Variants in NCAM2 observed in about 807,000 individuals in gnomAD.
The protein encoded by NCAM2 is N-CAM-2.
NCAM2 carries 30 observed loss-of-function variants against 98.1 expected under a neutral mutation model. The observed-to-expected ratio is 0.31, with a 90% CI of 0.23 to 0.41. The LOEUF (loss-of-function observed/expected upper bound fraction) is 0.41, where lower values mean the gene tolerates loss of function less well. NCAM2 is among the 10% of genes least tolerant of loss of function. NCAM2 has a pLI of 1.00. For synonymous variants in NCAM2, 368 were observed against 342.4 expected (o/e 1.07, Z -0.83); for missense variants, 867 against 1,005.8 (o/e 0.86, Z 1.87).
chr21:21,156,960 T>C (rs1459859849), intron 1 of NCAM2, among the ~76,000 whole-genome samples: 1 of 152,154 alleles, frequency 6.6e-6, no homozygotes, highest in African/African-American at 2.4e-5. Flanking sequence ...CTCTTCTTTG[T>C]ACAAAATCCC....
chr21:21,348,816 C>T (rs539037990), intron 8 of NCAM2, among the ~76,000 whole-genome samples: 2 of 152,082 alleles, frequency 1.3e-5, no homozygotes, highest in South Asian at 2.1e-4. Context: ...AACAAAAGTG[C>T]CAAGAATATA....
chr21:21,430,950 G>A (rs1296298926), intron 11 of NCAM2, among the ~76,000 whole-genome samples: 1 of 149,866 alleles, frequency 6.7e-6, no homozygotes, highest in African/African-American at 2.5e-5. Context: ...GGAGGCTGAA[G>A]CAGGAGAATG....
At chr21:21,120,902 G>T (rs1453785417) in intron 1 of NCAM2, among the ~76,000 whole-genome samples, 3 of 151,880 alleles carry the variant, frequency 2.0e-5, no homozygotes, top group Non-Finnish European at 4.4e-5. Context: ...ATTTTTAGTA[G>T]AGATGGGGTT....
At chr21:21,390,333 G>C (rs1055862572) in intron 9 of NCAM2, among the ~76,000 whole-genome samples, 7 of 151,984 alleles carry the variant, frequency 4.6e-5, no homozygotes, top group African/African-American at 1.7e-4. Flanking sequence ...CACTAATATA[G>C]AGCTTTATAA....
rs534674120 is a variant in NCAM2 at position 21,456,901 on chromosome 21, G to T, written c.1655-9705G>T. The stretch of plus-strand genomic sequence containing the variant: ...CAGGCCCTCATCAGCTGTCGAATCT[G>T]CTTTCACCTAAACTTGGACTTCTCA... On this transcript the variant is annotated intron_variant, in intron 12 of 17. Transcript: ENST00000400546. 1.2e-4 allele frequency among the ~76,000 whole-genome samples: 18 copies of T among 152,272 alleles called. No homozygotes were observed. In the South Asian group the frequency reaches 3.7e-3, roughly 32 times the overall value.
At chr21:21,381,297 A>G (rs928166617) in intron 9 of NCAM2, among the ~76,000 whole-genome samples, 7 of 152,228 alleles carry the variant, frequency 4.6e-5, no homozygotes, top group Admixed American at 1.3e-4. Context: ...CCCATGGGCT[A>G]TAATTTGCCA....
chr21:21,454,088 AC>A (rs1981754481), intron 12 of NCAM2, among the ~76,000 whole-genome samples: 1 of 151,986 alleles, frequency 6.6e-6, no homozygotes, highest in Non-Finnish European at 1.5e-5. Context: ...TTGACCACCT[AC>A]CCTTTTCTAA....
Position 20,998,440 on chromosome 21 carries a change from C to G in NCAM2, c.-124C>G, listed in dbSNP as rs1048557830. ...CGAGGAGGAGCGCGCGGGCTGCGGG[C>G]GGCTGGGGCACCGCGGGAGCGGCGG... On this transcript the variant is annotated 5_prime_UTR_variant, in exon 1 of 18. Coordinates refer to ENST00000400546, the MANE Select transcript of NCAM2 (RefSeq NM_004540.5). 2 of 827,856 alleles carry G rather than the reference C, an allele frequency of 2.4e-6. No homozygotes were observed. The highest frequency in any genetic ancestry group is 1.9e-5 in the South Asian group (1 of 53,238). The allele number at this position is 827,856 out of a possible 1,614,324, so 51.3% of individuals were successfully genotyped here.
chr21:21,071,110 G>T (rs1239174881), intron 1 of NCAM2, among the ~76,000 whole-genome samples: 1 of 152,154 alleles, frequency 6.6e-6, no homozygotes, highest in Non-Finnish European at 1.5e-5. Flanking sequence ...GTCACAAAAT[G>T]AGATAAAGGT....
At chr21:21,278,185 A>G (rs1034347800) in intron 1 of NCAM2, among the ~76,000 whole-genome samples, 2 of 152,022 alleles carry the variant, frequency 1.3e-5, no homozygotes, top group African/African-American at 4.8e-5. Flanking sequence ...CAAACTTGTA[A>G]TATATTTTCT....
At chr21:21,032,865 A>G (rs908865038) in intron 1 of NCAM2, among the ~76,000 whole-genome samples, 51 of 152,264 alleles carry the variant, frequency 3.3e-4, no homozygotes, top group African/African-American at 1.2e-3. Flanking sequence ...AACTTTGTCT[A>G]CATACTTTAG....
At chr21:21,494,095 G>GA (rs1987039738) in intron 15 of NCAM2, among the ~76,000 whole-genome samples, 2 of 151,700 alleles carry the variant, frequency 1.3e-5, no homozygotes, top group African/African-American at 4.8e-5. Context: ...TAGATTCCAA[G>GA]AAAAATAATA....
chr21:21,050,439 G>A (rs1344246155), intron 1 of NCAM2, among the ~76,000 whole-genome samples: 5 of 152,144 alleles, frequency 3.3e-5, no homozygotes, highest in African/African-American at 7.2e-5. Flanking sequence ...AAGTAAAGAA[G>A]GCACATTGAT....
intron 1 of NCAM2, among the ~76,000 whole-genome samples, chr21:21,165,756 A>G (rs896266238): frequency 6.6e-6 from 1 of 152,214 alleles, no homozygotes; most frequent in African/African-American, 2.4e-5. Context: ...TCACAGAACA[A>G]ATCAGTAAAA....
intron 1 of NCAM2, among the ~76,000 whole-genome samples, chr21:21,240,312 G>C (rs753184976): frequency 6.6e-6 from 1 of 150,960 alleles, no homozygotes; most frequent in South Asian, 2.1e-4. Flanking sequence ...AAATTTTATA[G>C]AGTTTTAACT....
chr21:21,322,691 C>G (rs1197298177), intron 5 of NCAM2, among the ~76,000 whole-genome samples: 2 of 152,092 alleles, frequency 1.3e-5, no homozygotes, highest in Non-Finnish European at 2.9e-5. Context: ...ACCAAACAAG[C>G]TGTGACATGA....
chr21:21,427,246 A>G (rs2077234020), intron 11 of NCAM2, among the ~76,000 whole-genome samples: 1 of 152,180 alleles, frequency 6.6e-6, no homozygotes, highest in Non-Finnish European at 1.5e-5. Flanking sequence ...GATCTTTATA[A>G]TTCACAGTAA....
chr21:21,183,907 A>G (rs933952714), intron 1 of NCAM2, among the ~76,000 whole-genome samples: 1 of 152,184 alleles, frequency 6.6e-6, no homozygotes, highest in African/African-American at 2.4e-5. Flanking sequence ...CCACATTTTC[A>G]TTTTAAAGAT....
At chr21:21,112,038 A>G (rs1215289181) in intron 1 of NCAM2, among the ~76,000 whole-genome samples, 1 of 152,220 alleles carries the variant, frequency 6.6e-6, no homozygotes, top group Admixed American at 6.5e-5. Context: ...AATGTTGCCC[A>G]ACTTTAAATG....
Sources: gnomAD v4.1 joint callset for allele counts (sites outside exome capture counted in the v4.1 genomes callset) on GRCh38, gnomAD v4.1.1 for gene constraint, MANE v1.5 for transcripts, NCBI Gene and HGNC (gene_info 2026-07-23, HGNC 2026-07-21) for gene names.